FBXW12: variants seen among roughly 807,000 people sequenced by gnomAD.
FBXW12 encodes the protein F-box and WD repeat domain containing 12, also known as F-box/WD repeat-containing protein 12.
Under a neutral mutation model 55.3 loss-of-function variants are expected in FBXW12, and 43 were observed. The ratio of observed to expected loss-of-function variants is 0.78; its 90% confidence interval spans 0.61 to 1.00. The LOEUF (loss-of-function observed/expected upper bound fraction) is 1.00, where lower values mean the gene tolerates loss of function less well. Ranked by LOEUF, FBXW12 falls within the 50% of genes least tolerant of loss-of-function variation. FBXW12 has a pLI of 0.00. For synonymous variants in FBXW12, 184 were observed against 203.8 expected (o/e 0.90, Z 0.83); for missense variants, 524 against 560.5 (o/e 0.93, Z 0.66).
chr3:48,373,165 C>G, intron 2 of FBXW12, 143 bp from the exon 3 acceptor site: 6 of 1,241,114 alleles, frequency 4.8e-6, no homozygotes, highest in Non-Finnish European at 7.0e-6. Context: ...CCTTATCTCC[C>G]CACACTGAGA....
chr3:48,387,586 G>C (rs925066847), intron 10 of FBXW12, among the ~76,000 whole-genome samples: 1 of 151,790 alleles, frequency 6.6e-6, no homozygotes, highest in South Asian at 2.1e-4. Context: ...ATCTCAACCT[G>C]TCAGGCTGGA....
chr3:48,379,343 G>C lies in FBXW12; in HGVS notation c.616-57G>C. 3 of 1,551,138 alleles carry C rather than the reference G, an allele frequency of 1.9e-6. No individual in the cohort carries two copies. In the South Asian group the frequency reaches 3.4e-5, roughly 18 times the overall value. ...TGCAGCTCATAGTGCTGCCTCCTCT[G>C]TACTTCAGGATTTCACATATCTTCC... is the stretch of plus-strand genomic sequence containing the variant. On this transcript the variant is annotated intron_variant, in intron 6 of 10. Transcript: ENST00000296438.
intron 8 of FBXW12, among the ~76,000 whole-genome samples, 159 bp from the exon 9 acceptor site, chr3:48,381,541 C>T (rs2036773627): frequency 6.6e-6 from 1 of 152,180 alleles, no homozygotes; most frequent in Admixed American, 6.5e-5. Context: ...ATGTATTTGT[C>T]AGGCCACTGG....
intron 10 of FBXW12, among the ~76,000 whole-genome samples, chr3:48,385,510 A>G (rs959109301): frequency 6.6e-6 from 1 of 152,150 alleles, no homozygotes; most frequent in Non-Finnish European, 1.5e-5. Flanking sequence ...TCTTCAACAC[A>G]CCAATTTCAA....
rs1291097482 is a variant in FBXW12, at chr3:48,373,707, T to C, written c.286+2T>C. 6 of 1,613,236 alleles carry C rather than the reference T, an allele frequency of 3.7e-6. No homozygotes were observed. The highest frequency in any genetic ancestry group is 1.1e-5 in the South Asian group (1 of 91,028). On this transcript the variant is annotated splice_donor_variant, in intron 4 of 10. Transcript: ENST00000296438. LOFTEE classifies it high-confidence loss of function. Reference sequence around the variant, plus strand: ...TCTACAAAGTAACTAAGAACATCGGTATGGGTATAGGTGCCCTAGAGGAAC... The same window carrying C: ...TCTACAAAGTAACTAAGAACATCGGCATGGGTATAGGTGCCCTAGAGGAAC...
At chr3:48,392,133 G>GT (rs202167149) in intron 10 of FBXW12, among the ~76,000 whole-genome samples, 2,018 of 152,188 alleles carry the variant, frequency 0.013, 41 homozygotes, top group African/African-American at 0.045. Flanking sequence ...TTTTTTGTTT[G>GT]TTTACGGTTT....
At chr3:48,387,711 A>G (rs1418781094) in intron 10 of FBXW12, among the ~76,000 whole-genome samples, 1 of 151,908 alleles carries the variant, frequency 6.6e-6, no homozygotes, top group Non-Finnish European at 1.5e-5. Flanking sequence ...ACCATGCCAG[A>G]CTATTTTTTA....
intron 1 of FBXW12, 74 bp from the exon 2 acceptor site, chr3:48,372,610 T>C: frequency 1.3e-6 from 2 of 1,516,082 alleles, no homozygotes; most frequent in Non-Finnish European, 1.8e-6. Flanking sequence ...GGGGTGGAGG[T>C]CAGCCCGGGA....
intron 10 of FBXW12, among the ~76,000 whole-genome samples, chr3:48,388,972 A>C (rs2036882887): frequency 1.3e-5 from 2 of 152,190 alleles, no homozygotes; most frequent in African/African-American, 4.8e-5. Flanking sequence ...AAGAACTGAA[A>C]CTTTGTACCC....
Position 48,380,810 on chromosome 3 carries a change from A to G in FBXW12, c.883A>G (p.Asn295Asp). 1.2e-6 allele frequency: 2 copies of G among 1,614,172 alleles called. No individual in the cohort carries two copies. The highest frequency in any genetic ancestry group is 8.5e-7 in the Non-Finnish European group (1 of 1,180,022). The change falls in exon 8 of 11, where the codon AAC (asparagine) becomes GAC (aspartate). Residue 295 changes from asparagine to aspartate, a missense_variant. Transcript: ENST00000296438. ...CGCCTGCTGGACCCCAAAGGTGAAA[A>G]ACAGGATAACACTGATGTCCCAAAG... ...ASACWTPKVK[N>D]RITLMSQSST...
intron 8 of FBXW12, 152 bp from the exon 9 acceptor site, chr3:48,381,548 C>T (rs2036773901): frequency 1.3e-6 from 1 of 798,252 alleles, no homozygotes; most frequent in African/African-American, 1.7e-5. Flanking sequence ...TGTCAGGCCA[C>T]TGGACTACCC....
chr3:48,394,119 G>A (rs78080505), intron 10 of FBXW12, among the ~76,000 whole-genome samples: 8 of 151,874 alleles, frequency 5.3e-5, no homozygotes, highest in East Asian at 1.9e-4. Context: ...GTGGTGGTGC[G>A]TGCCTGTAGT....
At chr3:48,376,564 T>C (rs1429836545) in intron 5 of FBXW12, among the ~76,000 whole-genome samples, 3 of 152,216 alleles carry the variant, frequency 2.0e-5, no homozygotes, top group Non-Finnish European at 4.4e-5. Context: ...AGGAGACCCA[T>C]AAAGTTTTTG....
In FBXW12 at chr3:48,373,351, GGAAGGGAAAGGGCAA is replaced by G; in HGVS notation, c.128+8_128+22del. ...GACAGTGATTACCTGTGGAGGTAAG[GGAAGGGAAAGGGCAA>G]GGAGGGAAGGGGAGAGGAGATCATC... is the stretch of plus-strand genomic sequence containing the variant. On this transcript the variant is annotated splice_region_variant and intron_variant, in intron 3 of 10. Transcript: ENST00000296438. 1 of 1,614,188 alleles carries G rather than the reference GGAAGGGAAAGGGCAA, an allele frequency of 6.2e-7. No homozygotes were observed. The highest frequency in any genetic ancestry group is 8.5e-7 in the Non-Finnish European group (1 of 1,180,030).
chr3:48,373,167 AC>A (rs924803587), intron 2 of FBXW12, 140 bp from the exon 3 acceptor site: 1 of 1,256,106 alleles, frequency 8.0e-7, no homozygotes. Context: ...TTATCTCCCC[AC>A]ACTGAGAGTG....
intron 3 of FBXW12, 43 bp downstream of exon 3, chr3:48,373,388 C>T (rs773553464): frequency 3.7e-6 from 6 of 1,613,870 alleles, no homozygotes; most frequent in Non-Finnish European, 1.7e-6. Flanking sequence ...GAGAGGAGAT[C>T]ATCTGACTGC....
In FBXW12 at chr3:48,378,314, T is replaced by C; in HGVS notation, c.406-3T>C. 1 of 1,613,142 alleles carries C rather than the reference T, an allele frequency of 6.2e-7. No individual in the cohort carries two copies. Among genetic ancestry groups the C allele is most frequent in the South Asian group, 1.1e-5 (1 of 91,040 alleles). On this transcript the variant is annotated splice_polypyrimidine_tract_variant and splice_region_variant and intron_variant, in intron 5 of 10. Coordinates refer to ENST00000296438, the MANE Select transcript of FBXW12 (RefSeq NM_207102.2). ...CACAGGTCGTGTTACTCTCGTTTTC[T>C]AGGGTACCATGATCTGGTCAAGCCC...
At chr3:48,387,114 G>C (rs2036858064) in intron 10 of FBXW12, among the ~76,000 whole-genome samples, 1 of 152,044 alleles carries the variant, frequency 6.6e-6, no homozygotes, top group Admixed American at 6.6e-5. Context: ...TGGGCCTGGA[G>C]ATGACTTTTT....
rs537459317 is a variant in FBXW12, at chr3:48,380,785, C to T, written c.858C>T (p.Ser286=). The change falls in exon 8 of 11, where the codon AGC becomes AGT. Residue 286 remains serine, a synonymous_variant. Transcript: ENST00000296438. ...TTCTCCCACATAAATTATGTGCCAG[C>T]GCCTGCTGGACCCCAAAGGTGAAAA... ...STFLPHKLCA[S]ACWTPKVKNR... 102 of 1,614,052 alleles carry T rather than the reference C, an allele frequency of 6.3e-5. 3 individuals are homozygous for T. In the South Asian group the frequency reaches 8.5e-4, roughly 13 times the overall value.
Sources: gnomAD v4.1 joint callset for allele counts (sites outside exome capture counted in the v4.1 genomes callset) on GRCh38, gnomAD v4.1.1 for gene constraint, MANE v1.5 for transcripts, NCBI Gene and HGNC (gene_info 2026-07-23, HGNC 2026-07-21) for gene names.